Variants in LRP6 observed in about 807,000 individuals in gnomAD.
LRP6 encodes the protein low-density lipoprotein receptor-related protein 6.
Under a neutral mutation model 184.1 loss-of-function variants are expected in LRP6, and 43 were observed. The observed-to-expected ratio is 0.23, with a 90% CI of 0.18 to 0.30. The LOEUF (loss-of-function observed/expected upper bound fraction) is 0.30, where lower values mean the gene tolerates loss of function less well. Among genes scored for constraint, LRP6 ranks in the 10% least tolerant of loss-of-function variants. LRP6 has a pLI of 1.00. For missense variants in LRP6, 1,571 were observed against 2,005.3 expected (o/e 0.78, Z 4.14); for synonymous variants, 719 against 684.9 (o/e 1.05, Z -0.78).
In LRP6 at chr12:12,120,042, T is replaced by TATATAA. The variant is rs1353537300; in HGVS notation, c.*1083_*1084insTTATAT. 3.6e-5 allele frequency: 4 copies of TATATAA among 110,844 alleles called. No individual in the cohort carries two copies. The highest frequency in any genetic ancestry group is 1.4e-4 in the African/African-American group (4 of 28,286). The allele number at this position is 110,844 out of a possible 1,614,324, so 6.9% of individuals were successfully genotyped here. A position where few individuals can be genotyped will look rare whatever the true frequency, so the allele number is the denominator to read the frequency against. ...ATATATATATATATATATATATATA[T>TATATAA]AAATGATTTCGTACTGTGATATATG... On this transcript the variant is annotated 3_prime_UTR_variant, in exon 23 of 23. Transcript: ENST00000261349.
intron 1 of LRP6, among the ~76,000 whole-genome samples, chr12:12,247,867 T>C (rs1362847746): frequency 1.3e-5 from 2 of 152,194 alleles, no homozygotes; most frequent in African/African-American, 2.4e-5. Context: ...TTCTCTTCAG[T>C]GGAACACTCA....
intron 2 of LRP6, among the ~76,000 whole-genome samples, chr12:12,242,035 C>G (rs745835117): frequency 6.6e-5 from 10 of 152,176 alleles, no homozygotes; most frequent in Non-Finnish European, 1.2e-4. Context: ...AATTTACTCA[C>G]TGAACTGTTA....
At chr12:12,174,422 G>A (rs1863121209) in intron 7 of LRP6, among the ~76,000 whole-genome samples, 1 of 151,718 alleles carries the variant, frequency 6.6e-6, no homozygotes, top group Non-Finnish European at 1.5e-5. Context: ...CAAACTGAAG[G>A]TATAATCAAT....
chr12:12,249,280 G>T, intron 1 of LRP6: 1 of 1,057,482 alleles, frequency 9.5e-7, no homozygotes, highest in South Asian at 1.3e-5. Flanking sequence ...TAGTTCTAAT[G>T]GATTGGTGGA....
At chr12:12,209,178 G>C (rs1281709043) in intron 2 of LRP6, among the ~76,000 whole-genome samples, 4 of 152,154 alleles carry the variant, frequency 2.6e-5, no homozygotes, top group Admixed American at 6.5e-5. Flanking sequence ...ACACTATAAA[G>C]ACAGAAAATG....
chr12:12,191,033 T>G (rs1324139855), intron 3 of LRP6, among the ~76,000 whole-genome samples: 1 of 152,118 alleles, frequency 6.6e-6, no homozygotes, highest in Non-Finnish European at 1.5e-5. Context: ...CTGCAGGATA[T>G]GAGAAAGAAA....
chr12:12,250,698 C>G (rs1309171758), intron 1 of LRP6, among the ~76,000 whole-genome samples: 1 of 148,200 alleles, frequency 6.7e-6, no homozygotes, highest in Non-Finnish European at 1.5e-5. Flanking sequence ...TCTCGGCTCA[C>G]TGCAACCTCC....
At chr12:12,226,951 G>A (rs575787883) in intron 2 of LRP6, among the ~76,000 whole-genome samples, 2 of 151,950 alleles carry the variant, frequency 1.3e-5, no homozygotes, top group Admixed American at 6.6e-5. Flanking sequence ...GAGAACAAGC[G>A]GGAAAAGGCA....
At chr12:12,173,975 T>C (rs1863111080) in intron 7 of LRP6, among the ~76,000 whole-genome samples, 1 of 152,200 alleles carries the variant, frequency 6.6e-6, no homozygotes, top group Admixed American at 6.5e-5. Context: ...TCTGATCATA[T>C]GTTATGAAGA....
intron 15 of LRP6, among the ~76,000 whole-genome samples, chr12:12,139,789 C>T (rs1949903860): frequency 6.6e-6 from 1 of 151,712 alleles, no homozygotes; most frequent in Admixed American, 6.6e-5. Flanking sequence ...ACAAAGAAGG[C>T]AGAAGAACAG....
intron 2 of LRP6, among the ~76,000 whole-genome samples, chr12:12,215,238 G>A (rs1864310478): frequency 6.6e-6 from 1 of 152,086 alleles, no homozygotes; most frequent in African/African-American, 2.4e-5. Flanking sequence ...ATAAGGAAAA[G>A]TTTGAGGAGG....
At chr12:12,235,568 T>TA (rs1379159533) in intron 2 of LRP6, among the ~76,000 whole-genome samples, 3 of 151,714 alleles carry the variant, frequency 2.0e-5, no homozygotes, top group Non-Finnish European at 2.9e-5. Context: ...CCGTCTCTAC[T>TA]AAAAAAACAA....
chr12:12,150,832 T>C lies in LRP6; in HGVS notation c.2994+4A>G, dbSNP rs1301095010. 1.2e-6 allele frequency: 2 copies of C among 1,613,118 alleles called. No homozygotes were observed. Among genetic ancestry groups the C allele is most frequent in the African/African-American group, 2.7e-5 (2 of 74,900 alleles). On this transcript the variant is annotated splice_donor_region_variant and intron_variant, in intron 13 of 22. Transcript: ENST00000261349. ...AATGAATTTTGAACCAAGCTCTCAA[T>C]TACCTGGCTGCCATCTTCTTGTGCC... is the stretch of plus-strand genomic sequence containing the variant.
intron 14 of LRP6, among the ~76,000 whole-genome samples, chr12:12,147,822 A>C (rs1381402553): frequency 6.6e-6 from 1 of 151,958 alleles, no homozygotes; most frequent in Non-Finnish European, 1.5e-5. Flanking sequence ...AAATACCCCA[A>C]AAATTAGCCA....
At chr12:12,184,428 T>C (rs1488010732) in intron 4 of LRP6, among the ~76,000 whole-genome samples, 1 of 151,876 alleles carries the variant, frequency 6.6e-6, no homozygotes, top group African/African-American at 2.4e-5. Context: ...TAAAACTAAG[T>C]GCTATTTTGC....
intron 15 of LRP6, among the ~76,000 whole-genome samples, chr12:12,145,216 G>A (rs930094664): frequency 6.6e-6 from 1 of 151,796 alleles, no homozygotes; most frequent in Non-Finnish European, 1.5e-5. Flanking sequence ...GATCAGATGA[G>A]GGAAAGAATA....
chr12:12,130,711 ACCTC>A (rs1949739921), intron 19 of LRP6, 68 bp downstream of exon 19: 2 of 862,684 alleles, frequency 2.3e-6, no homozygotes, highest in Non-Finnish European at 3.9e-6. Flanking sequence ...CGATAAGTAA[ACCTC>A]ACACATAAGA....
chr12:12,138,717 A>G, intron 15 of LRP6, 183 bp from the exon 16 acceptor site: 1 of 1,375,546 alleles, frequency 7.3e-7, no homozygotes, highest in Non-Finnish European at 9.9e-7. Context: ...TAAACTAGAT[A>G]TTAATATGCA....
chr12:12,166,977 T>C (rs1365377254), intron 7 of LRP6, among the ~76,000 whole-genome samples: 1 of 152,156 alleles, frequency 6.6e-6, no homozygotes, highest in East Asian at 1.9e-4. Context: ...GGTAAGCCTG[T>C]AGTCCTAGCT....
Sources: gnomAD v4.1 joint callset for allele counts (sites outside exome capture counted in the v4.1 genomes callset) on GRCh38, gnomAD v4.1.1 for gene constraint, MANE v1.5 for transcripts, NCBI Gene and HGNC (gene_info 2026-07-23, HGNC 2026-07-21) for gene names.